Variants in MSH3 observed in about 807,000 individuals in gnomAD.
MSH3 encodes mutS homolog 3.
MSH3 carries 106 observed loss-of-function variants against 123.3 expected under a neutral mutation model. The observed-to-expected ratio is 0.86, with a 90% CI of 0.73 to 1.01. The LOEUF (loss-of-function observed/expected upper bound fraction) is 1.01. Among genes scored for constraint, MSH3 ranks in the 50% least tolerant of loss-of-function variants. The pLI, the probability that MSH3 is intolerant of heterozygous loss-of-function variation, is 0.00. For missense variants in MSH3, 1,459 were observed against 1,347.6 expected, an observed-to-expected ratio of 1.08 and a Z score of -1.29; for synonymous variants, 515 against 481.4, an observed-to-expected ratio of 1.07 and a Z score of -0.91.
intron 13 of MSH3, among the ~76,000 whole-genome samples, chr5:80,765,892 G>T (rs910388617): frequency 1.2e-4 from 18 of 152,016 alleles, no homozygotes; most frequent in Admixed American, 7.9e-4. Flanking sequence ...TGGTTTTTTT[G>T]TTGTTGTTAT....
intron 17 of MSH3, among the ~76,000 whole-genome samples, chr5:80,784,292 G>C (rs999014398): frequency 1.4e-5 from 2 of 147,708 alleles, no homozygotes; most frequent in African/African-American, 5.0e-5. Context: ...GAATAACAAG[G>C]CAAAGTCAGT....
chr5:80,672,482 T>C (rs1237782753), intron 5 of MSH3, 122 bp downstream of exon 5: 3 of 763,160 alleles, frequency 3.9e-6, no homozygotes, highest in East Asian at 2.6e-5. Context: ...TTTACAGAAC[T>C]GAAAGTGTTT....
intron 12 of MSH3, among the ~76,000 whole-genome samples, chr5:80,749,168 C>T (rs966557221): frequency 1.3e-5 from 2 of 152,088 alleles, no homozygotes; most frequent in Non-Finnish European, 2.9e-5. Context: ...AAGGTGAAGT[C>T]CCACTGTAGG....
intron 18 of MSH3, among the ~76,000 whole-genome samples, chr5:80,790,985 T>C (rs778045990): frequency 2.0e-5 from 3 of 152,192 alleles, no homozygotes; most frequent in Non-Finnish European, 4.4e-5. Context: ...AATATATTTG[T>C]AAGGGCAAAA....
chr5:80,840,226 A>G (rs1745595659), intron 20 of MSH3, among the ~76,000 whole-genome samples: 1 of 152,136 alleles, frequency 6.6e-6, no homozygotes, highest in Non-Finnish European at 1.5e-5. Flanking sequence ...TATTCTCTTT[A>G]GAGCTAAATA....
Position 80,722,635 on chromosome 5 carries a change from T to TACGTATCTAAGAGTGAGCACAACCAAAGC in MSH3, c.1341-2817_1341-2789dup. Reference sequence around the variant, plus strand: ...GATAAAGACCAGAGAGAGGTATGTGTACGTATCTAAGAGTGAGCACAACCA... The same window carrying TACGTATCTAAGAGTGAGCACAACCAAAGC: ...GATAAAGACCAGAGAGAGGTATGTGTACGTATCTAAGAGTGAGCACAACCAAAGCACGTATCTAAGAGTGAGCACAACCA... On this transcript the variant is annotated intron_variant, in intron 8 of 23. Transcript: ENST00000265081. Among the ~76,000 whole-genome samples the TACGTATCTAAGAGTGAGCACAACCAAAGC allele has an allele frequency of 1.3e-5, 2 of 152,342 alleles. 1 individual carries two copies. The highest frequency in any genetic ancestry group is 3.9e-4 in the East Asian group (2 of 5,186).
intron 22 of MSH3, among the ~76,000 whole-genome samples, chr5:80,868,715 G>C (rs146534999): frequency 6.7e-6 from 1 of 149,692 alleles, no homozygotes. Flanking sequence ...GCAAACCTCC[G>C]TGACACAAGT....
At chr5:80,759,412 C>T (rs1743992700) in intron 12 of MSH3, among the ~76,000 whole-genome samples, 1 of 152,078 alleles carries the variant, frequency 6.6e-6, no homozygotes, top group Non-Finnish European at 1.5e-5. Context: ...AGGAAAATAA[C>T]CTTCTAGGCA....
At chr5:80,671,115 T>A (rs1245565347) in intron 4 of MSH3, among the ~76,000 whole-genome samples, 8 of 98,034 alleles carry the variant, frequency 8.2e-5, no homozygotes, top group Admixed American at 3.2e-4. Flanking sequence ...ACAGCAAGAC[T>A]CTGTCTCAAA....
intron 8 of MSH3, among the ~76,000 whole-genome samples, chr5:80,693,740 C>T (rs1272947039): frequency 1.3e-5 from 2 of 152,256 alleles, no homozygotes; most frequent in African/African-American, 4.8e-5. Flanking sequence ...CCACTGCAAC[C>T]TCCATCTCCT....
chr5:80,692,592 GTA>G (rs573983431), intron 8 of MSH3, among the ~76,000 whole-genome samples: 12 of 139,918 alleles, frequency 8.6e-5, no homozygotes, highest in East Asian at 6.4e-4. Context: ...AGATAAACAT[GTA>G]TATGTTTATA....
chr5:80,867,143 A>G (rs989914032), intron 22 of MSH3, among the ~76,000 whole-genome samples: 1 of 152,226 alleles, frequency 6.6e-6, no homozygotes, highest in Non-Finnish European at 1.5e-5. Flanking sequence ...GCAAGGAACA[A>G]AACACTCGGT....
chr5:80,659,275 C>G (rs1362778543), intron 2 of MSH3, among the ~76,000 whole-genome samples: 1 of 151,978 alleles, frequency 6.6e-6, no homozygotes, highest in Non-Finnish European at 1.5e-5. Context: ...ATGATTCACC[C>G]ATTTAGCATG....
chr5:80,693,621 A>G (rs976598892), intron 8 of MSH3, among the ~76,000 whole-genome samples: 2 of 97,278 alleles, frequency 2.1e-5, no homozygotes, highest in Admixed American at 1.1e-4. Context: ...ACACACACAC[A>G]TATACACACA....
intron 8 of MSH3, among the ~76,000 whole-genome samples, chr5:80,723,968 C>A (rs1162749577): frequency 1.3e-5 from 2 of 152,010 alleles, no homozygotes; most frequent in Admixed American, 1.3e-4. Context: ...GTTGCCCAGG[C>A]TGGTCTTAAA....
At chr5:80,871,101 T>C (rs894860956) in intron 22 of MSH3, among the ~76,000 whole-genome samples, 1 of 152,160 alleles carries the variant, frequency 6.6e-6, no homozygotes, top group Admixed American at 6.5e-5. Flanking sequence ...CTGGGTCCTC[T>C]AGGAGGCAGA....
chr5:80,729,065 A>G (rs1223120888), intron 10 of MSH3, 100 bp downstream of exon 10: 2 of 746,692 alleles, frequency 2.7e-6, no homozygotes, highest in East Asian at 5.0e-5. Flanking sequence ...CTTGCCTGCT[A>G]TTGATAGAAT....
intron 13 of MSH3, among the ~76,000 whole-genome samples, chr5:80,762,204 C>T (rs779405718): frequency 2.0e-5 from 3 of 151,520 alleles, no homozygotes; most frequent in Non-Finnish European, 2.9e-5. Context: ...TCATTTTCCA[C>T]GGTTAGGGAA....
intron 8 of MSH3, among the ~76,000 whole-genome samples, chr5:80,697,834 A>T (rs893860243): frequency 9.2e-5 from 14 of 152,242 alleles, no homozygotes; most frequent in African/African-American, 3.4e-4. Flanking sequence ...AAGGTATTTT[A>T]TCCTGCTGTC....
Sources: allele counts gnomAD v4.1 joint callset (sites outside exome capture counted in the v4.1 genomes callset), GRCh38; gene constraint gnomAD v4.1.1; transcripts MANE v1.5; gene names NCBI Gene and HGNC (gene_info 2026-07-23, HGNC 2026-07-21).